EYS: variants seen among roughly 807,000 people sequenced by gnomAD.
EYS encodes protein eyes shut homolog.
A neutral mutation model predicts 282.1 loss-of-function variants in EYS; 250 were observed. The observed-to-expected ratio is 0.89, with a 90% CI of 0.80 to 0.98. The LOEUF (loss-of-function observed/expected upper bound fraction) is 0.98. Among genes scored for constraint, EYS ranks in the 50% least tolerant of loss-of-function variants. The probability of loss-of-function intolerance (pLI) is 0.00; values close to 1 mark genes in which losing one functional copy is unlikely to be tolerated. For synonymous variants in EYS, 1,355 were observed against 1,282.9 expected, an observed-to-expected ratio of 1.06 and a Z score of -1.20; for missense variants, 4,016 against 3,709.0, an observed-to-expected ratio of 1.08 and a Z score of -2.15.
intron 15 of EYS, among the ~76,000 whole-genome samples, chr6:64,919,063 C>A (rs2150080364): frequency 6.6e-6 from 1 of 152,204 alleles, no homozygotes; most frequent in African/African-American, 2.4e-5. Context: ...TATGTAGATT[C>A]TTTGAAAAGA....
intron 12 of EYS, among the ~76,000 whole-genome samples, chr6:65,080,262 T>C (rs774780174): frequency 1.1e-4 from 16 of 151,980 alleles, no homozygotes; most frequent in African/African-American, 1.4e-4. Context: ...TTAGGAAAAA[T>C]TGGCCAACTG....
intron 12 of EYS, among the ~76,000 whole-genome samples, chr6:65,208,646 G>T (rs1766096146): frequency 6.6e-6 from 1 of 151,826 alleles, no homozygotes. Flanking sequence ...CATTTCCTTT[G>T]CTGCAACATG....
At chr6:65,233,321 C>A (rs561547428) in intron 12 of EYS, among the ~76,000 whole-genome samples, 3 of 152,270 alleles carry the variant, frequency 2.0e-5, no homozygotes, top group Admixed American at 2.0e-4. Context: ...ACCCCTCCAT[C>A]TGGCAGTGGT....
chr6:65,562,176 T>C (rs980131653), intron 2 of EYS, among the ~76,000 whole-genome samples: 2 of 152,012 alleles, frequency 1.3e-5, no homozygotes, highest in African/African-American at 2.4e-5. Context: ...GCTATGTTTG[T>C]TCAAGAGGCA....
chr6:64,404,368 A>G (rs1302422108), intron 28 of EYS, among the ~76,000 whole-genome samples: 11 of 127,034 alleles, frequency 8.7e-5, no homozygotes, highest in Non-Finnish European at 1.7e-4. Flanking sequence ...AAATTGTAAT[A>G]TAGAGTGTGA....
At chr6:65,337,899 G>A (rs1036673973) in intron 10 of EYS, among the ~76,000 whole-genome samples, 9 of 150,934 alleles carry the variant, frequency 6.0e-5, no homozygotes, top group Admixed American at 5.3e-4. Flanking sequence ...ATATTAGTAT[G>A]AAATTTGGAA....
chr6:64,065,069 C>A (rs981204937), intron 33 of EYS, among the ~76,000 whole-genome samples: 1 of 152,158 alleles, frequency 6.6e-6, no homozygotes, highest in African/African-American at 2.4e-5. Flanking sequence ...CAGACACCCT[C>A]ATTTCTTCAT....
chr6:64,852,164 C>T (rs1765906993), intron 19 of EYS, among the ~76,000 whole-genome samples: 1 of 151,866 alleles, frequency 6.6e-6, no homozygotes, highest in Admixed American at 6.6e-5. Context: ...TACTGAGTGT[C>T]AACTTGATTG....
intron 31 of EYS, among the ~76,000 whole-genome samples, chr6:64,225,475 G>A (rs1766227551): frequency 6.6e-6 from 1 of 152,070 alleles, no homozygotes; most frequent in Non-Finnish European, 1.5e-5. Context: ...CTTAAGTGTA[G>A]TAAAGGGTGG....
chr6:64,605,200 ATTAAGT>A (rs142387693), intron 24 of EYS, among the ~76,000 whole-genome samples: 14,816 of 151,846 alleles, frequency 0.098, 885 homozygotes, highest in East Asian at 0.16. Flanking sequence ...TTTCACAATG[ATTAAGT>A]TTAATTACAT....
chr6:65,559,062 C>A (rs1768929514), intron 2 of EYS, among the ~76,000 whole-genome samples: 1 of 151,932 alleles, frequency 6.6e-6, no homozygotes, highest in African/African-American at 2.4e-5. Context: ...TAAATAAAAA[C>A]CTAAGGAAAA....
At chr6:64,550,042 C>T (rs1289941878) in intron 26 of EYS, among the ~76,000 whole-genome samples, 1 of 152,164 alleles carries the variant, frequency 6.6e-6, no homozygotes, top group Non-Finnish European at 1.5e-5. Flanking sequence ...CCGCTTCATC[C>T]ATGTCCCCAC....
At chr6:65,448,495 T>G (rs1297892126) in intron 5 of EYS, among the ~76,000 whole-genome samples, 1 of 152,026 alleles carries the variant, frequency 6.6e-6, no homozygotes, top group Non-Finnish European at 1.5e-5. Flanking sequence ...TAGGACAACT[T>G]AACACTTGTC....
chr6:65,127,219 A>C lies in EYS; in HGVS notation c.2024-69492T>G, dbSNP rs188479146. ...AGAAGAAAAATACTAAAAAAATACTAAATAAACGAACAGATTTTTATGAAT... is the reference window on the plus strand; with the variant it reads ...AGAAGAAAAATACTAAAAAAATACTCAATAAACGAACAGATTTTTATGAAT... On this transcript the variant is annotated intron_variant, in intron 12 of 42. Transcript: ENST00000503581. Among the ~76,000 whole-genome samples, 14 of 152,250 alleles carry C rather than the reference A, an allele frequency of 9.2e-5. No individual in the cohort carries two copies. In the East Asian group the frequency reaches 2.7e-3, roughly 29 times the overall value.
chr6:64,341,856 A>G (rs1469899388), intron 29 of EYS, among the ~76,000 whole-genome samples: 3 of 151,644 alleles, frequency 2.0e-5, no homozygotes, highest in Non-Finnish European at 3.0e-5. Context: ...AATGGTCACC[A>G]TGATACACTC....
chr6:65,369,306 AATATATATATT>A (rs1173244344), intron 8 of EYS, among the ~76,000 whole-genome samples: 3 of 59,874 alleles, frequency 5.0e-5, no homozygotes, highest in African/African-American at 1.1e-4. Context: ...ATTTATGTAT[AATATATATATT>A]ATATATATAT....
intron 14 of EYS, among the ~76,000 whole-genome samples, chr6:64,970,059 A>AT (rs987917934): frequency 6.6e-6 from 1 of 152,190 alleles, no homozygotes; most frequent in Non-Finnish European, 1.5e-5. Context: ...TTATAAGCAG[A>AT]TTTTTTTCAA....
intron 29 of EYS, among the ~76,000 whole-genome samples, chr6:64,310,581 A>G (rs1043921958): frequency 6.6e-5 from 10 of 152,162 alleles, no homozygotes; most frequent in African/African-American, 1.7e-4. Context: ...TCTATTGCCT[A>G]TTGGAGGGTA....
chr6:64,741,284 A>T (rs866851317), intron 22 of EYS, among the ~76,000 whole-genome samples: 19 of 151,964 alleles, frequency 1.3e-4, no homozygotes, highest in Admixed American at 1.1e-3. Flanking sequence ...AATATTTTTA[A>T]TTTTTTTTCT....
Sources: allele counts gnomAD v4.1 joint callset (sites outside exome capture counted in the v4.1 genomes callset), GRCh38; gene constraint gnomAD v4.1.1; transcripts MANE v1.5; gene names NCBI Gene and HGNC (gene_info 2026-07-23, HGNC 2026-07-21).